Variants in CHIC2 observed in about 807,000 individuals in gnomAD.
CHIC2 encodes the protein cysteine-rich hydrophobic domain-containing protein 2.
A neutral mutation model predicts 25.9 loss-of-function variants in CHIC2; 14 were observed. The ratio of observed to expected loss-of-function variants is 0.54; its 90% CI spans 0.36 to 0.85. CHIC2 has a LOEUF of 0.85. Ranked by LOEUF, CHIC2 falls within the 40% of genes least tolerant of loss-of-function variation. CHIC2 has a pLI of 0.01. For synonymous variants in CHIC2, 70 were observed against 72.0 expected (o/e 0.97, Z 0.14); for missense variants, 146 against 202.0 (o/e 0.72, Z 1.68).
intron 3 of CHIC2, among the ~76,000 whole-genome samples, chr4:54,044,437 T>C (rs1380000067): frequency 1.3e-5 from 2 of 151,968 alleles, no homozygotes; most frequent in African/African-American, 2.4e-5. Flanking sequence ...AGAACAGAAA[T>C]TATAACAGTC....
intron 3 of CHIC2, among the ~76,000 whole-genome samples, chr4:54,044,479 C>A (rs1716705048): frequency 6.6e-6 from 1 of 152,164 alleles, no homozygotes; most frequent in Non-Finnish European, 1.5e-5. Context: ...AACTAGAACT[C>A]AGGATTAAGA....
At chr4:54,034,511 G>A (rs1326958251) in intron 3 of CHIC2, among the ~76,000 whole-genome samples, 1 of 151,862 alleles carries the variant, frequency 6.6e-6, no homozygotes, top group Non-Finnish European at 1.5e-5. Flanking sequence ...ATTTTAGTGT[G>A]TCTTATATAT....
intron 3 of CHIC2, among the ~76,000 whole-genome samples, chr4:54,016,543 C>T (rs1049806904): frequency 6.6e-6 from 1 of 151,904 alleles, no homozygotes; most frequent in African/African-American, 2.4e-5. Flanking sequence ...AACAAACAAG[C>T]CCTGATATGC....
the CHIC2 span, among the ~76,000 whole-genome samples, chr4:54,070,470 T>C: frequency 6.6e-6 from 1 of 152,146 alleles, no homozygotes; most frequent in South Asian, 2.1e-4. Flanking sequence ...TCGCCCAGGC[T>C]GGAGTGCAAT....
At chr4:54,080,749 C>CT in the CHIC2 span, among the ~76,000 whole-genome samples, 1 of 140,486 alleles carries the variant, frequency 7.1e-6, no homozygotes, top group Non-Finnish European at 1.5e-5. Flanking sequence ...GAGTGAGACT[C>CT]TGTCTCAAAA....
intron 3 of CHIC2, among the ~76,000 whole-genome samples, chr4:54,021,335 G>A (rs555031138): frequency 3.0e-4 from 45 of 152,058 alleles, no homozygotes; most frequent in African/African-American, 8.0e-4. Context: ...CTCCCAATGC[G>A]ACTCATCCCA....
At chr4:54,037,320 T>C (rs974817804) in intron 3 of CHIC2, among the ~76,000 whole-genome samples, 1 of 151,446 alleles carries the variant, frequency 6.6e-6, no homozygotes, top group Non-Finnish European at 1.5e-5. Flanking sequence ...GCCACTGAAC[T>C]CCAGCCTCAG....
At chr4:54,075,572 G>C in the CHIC2 span, among the ~76,000 whole-genome samples, 3 of 152,110 alleles carry the variant, frequency 2.0e-5, no homozygotes, top group African/African-American at 7.2e-5. Context: ...TTGTTATTTT[G>C]AGACTGAGTC....
chr4:54,012,006 A>G (rs749373551), intron 5 of CHIC2, among the ~76,000 whole-genome samples: 3 of 152,086 alleles, frequency 2.0e-5, no homozygotes, highest in Non-Finnish European at 4.4e-5. Context: ...TTAACTTTTA[A>G]AATTCATTTT....
chr4:54,017,713 G>A (rs1267198871), intron 3 of CHIC2, among the ~76,000 whole-genome samples: 1 of 152,114 alleles, frequency 6.6e-6, no homozygotes, highest in Non-Finnish European at 1.5e-5. Flanking sequence ...CAACTTTTTT[G>A]TGTGAATGGC....
At chr4:54,085,218 A>T in the CHIC2 span, among the ~76,000 whole-genome samples, 1 of 152,202 alleles carries the variant, frequency 6.6e-6, no homozygotes, top group Non-Finnish European at 1.5e-5. Context: ...TGGTAATTTT[A>T]TATTTACATC....
rs369940981 is a variant in CHIC2, at chr4:54,013,266, T to A, written c.447+571A>T. On this transcript the variant is annotated intron_variant, in intron 5 of 5. Transcript: ENST00000263921. ...TAAGTTCTAAAATTCATTGTATATA[T>A]ATGCCAAATTAGATATTTTTTAACA... is the stretch of plus-strand genomic sequence containing the variant. 2.6e-5 allele frequency among the ~76,000 whole-genome samples: 4 copies of A among 152,140 alleles called. No individual in the cohort carries two copies. In the East Asian group the frequency reaches 7.7e-4, roughly 29 times the overall value.
At chr4:54,087,689 A>G in the CHIC2 span, 2 of 540,922 alleles carry the variant, frequency 3.7e-6, no homozygotes, top group Non-Finnish European at 6.6e-6. Context: ...GGCCATTTGC[A>G]TGATTTCCTA....
upstream of CHIC2, among the ~76,000 whole-genome samples, chr4:54,068,030 C>A (rs912561750): frequency 6.6e-6 from 1 of 151,648 alleles, no homozygotes; most frequent in Non-Finnish European, 1.5e-5. Context: ...CTGGGGCCCT[C>A]ATGATGGAAT....
upstream of CHIC2, among the ~76,000 whole-genome samples, chr4:54,068,046 C>T (rs1717553716): frequency 6.6e-6 from 1 of 151,726 alleles, no homozygotes; most frequent in Non-Finnish European, 1.5e-5. Flanking sequence ...GGAATTTGTG[C>T]CCTTACAAGA....
upstream of CHIC2, among the ~76,000 whole-genome samples, chr4:54,065,042 T>C (rs1717479832): frequency 1.3e-5 from 2 of 152,394 alleles, no homozygotes; most frequent in East Asian, 1.9e-4. Flanking sequence ...TATCTAATAA[T>C]CGCATCTCGC....
At chr4:54,040,577 T>A (rs1266041325) in intron 3 of CHIC2, among the ~76,000 whole-genome samples, 1 of 151,878 alleles carries the variant, frequency 6.6e-6, no homozygotes, top group African/African-American at 2.4e-5. Flanking sequence ...GTCAGGAGCC[T>A]GTAATTCCAG....
At chr4:54,049,647 G>A (rs183170240) in intron 1 of CHIC2, among the ~76,000 whole-genome samples, 237 of 152,188 alleles carry the variant, frequency 1.6e-3, no homozygotes, top group African/African-American at 5.4e-3. Context: ...GTGGGATAGC[G>A]ATTTTTTCCA....
chr4:54,078,920 A>G, the CHIC2 span, among the ~76,000 whole-genome samples: 1 of 151,940 alleles, frequency 6.6e-6, no homozygotes, highest in Non-Finnish European at 1.5e-5. Context: ...TTAGTGTTAA[A>G]ACTTCCCCTT....
Sources: gnomAD v4.1 joint callset for allele counts (sites outside exome capture counted in the v4.1 genomes callset) on GRCh38, gnomAD v4.1.1 for gene constraint, MANE v1.5 for transcripts, NCBI Gene and HGNC (gene_info 2026-07-23, HGNC 2026-07-21) for gene names.